The following HSPB8 variants were observed in gnomAD, a reference collection of about 807,000 sequenced individuals.
HSPB8 encodes heat shock protein family B (small) member 8.
A neutral mutation model predicts 16.5 loss-of-function variants in HSPB8; 9 were observed. The observed-to-expected ratio is 0.55, with a 90% CI of 0.33 to 0.95. The LOEUF (loss-of-function observed/expected upper bound fraction) is 0.95. HSPB8 is among the 40% of genes least tolerant of loss of function. The pLI is 0.03. For synonymous variants in HSPB8, 99 were observed against 94.8 expected, an observed-to-expected ratio of 1.04 and a Z score of -0.26; for missense variants, 238 against 251.2, an observed-to-expected ratio of 0.95 and a Z score of 0.35.
chr12:119,190,651 T>C (rs1254040152), intron 2 of HSPB8, among the ~76,000 whole-genome samples: 1 of 152,246 alleles, frequency 6.6e-6, no homozygotes, highest in Admixed American at 6.5e-5. Context: ...CTAAAGGTTT[T>C]TTTTTCTTTT....
Position 119,193,968 on chromosome 12 carries a change from G to T in HSPB8, c.*110G>T. On this transcript the variant is annotated 3_prime_UTR_variant, in exon 3 of 3. Coordinates refer to ENST00000281938, the MANE Select transcript of HSPB8 (RefSeq NM_014365.3). ...ATTTAGTGCAAGTAAAATGTTAGAGGGTGCGGGGGTGAGGACTGACCACAG... is the reference window on the plus strand; with the variant it reads ...ATTTAGTGCAAGTAAAATGTTAGAGTGTGCGGGGGTGAGGACTGACCACAG... 1.6e-6 allele frequency: 2 copies of T among 1,213,972 alleles called. No individual in the cohort carries two copies. The highest frequency in any genetic ancestry group is 2.4e-6 in the Non-Finnish European group (2 of 823,182). 75.2% of individuals were successfully genotyped at this position (1,213,972 alleles called of 1,614,324 possible).
In HSPB8 at chr12:119,193,728, T is replaced by C. The variant is rs1954726459; in HGVS notation, c.461T>C (p.Val154Ala). Residue 154 changes from valine to alanine, a missense_variant, in exon 3 of 3, where the codon GTA (valine) becomes GCA (alanine). Physicochemically the swap from Val to Ala is moderately conservative, Grantham distance 64. Transcript: ENST00000281938. ...QLPAEVDPVT[V>A]FASLSPEGLL... ...CCTGCAGAGGTGGATCCTGTGACAG[T>C]ATTTGCCTCACTTTCCCCAGAGGGT... The C allele has an allele frequency of 3.1e-6, 5 of 1,614,218 alleles. No homozygotes were observed. Among genetic ancestry groups the C allele is most frequent in the Non-Finnish European group, 4.2e-6 (5 of 1,180,036 alleles).
rs1040410566 is a variant in HSPB8, at chr12:119,190,481, T to A, written c.432-3218T>A. ...TGTGAAAAGCCCCATTTGGACTGAATAAGGAGGAGAGGGAGAGGTCTTGGG... is the reference window on the plus strand; with the variant it reads ...TGTGAAAAGCCCCATTTGGACTGAAAAAGGAGGAGAGGGAGAGGTCTTGGG... On this transcript the variant is annotated intron_variant, in intron 2 of 2. Coordinates refer to ENST00000281938, the MANE Select transcript of HSPB8 (RefSeq NM_014365.3). 1.8e-4 allele frequency among the ~76,000 whole-genome samples: 28 copies of A among 152,158 alleles called. 1 individual carries two copies. The highest frequency in any genetic ancestry group is 3.1e-4 in the Non-Finnish European group (21 of 68,026).
intron 1 of HSPB8, 140 bp from the exon 2 acceptor site, chr12:119,186,885 C>G: frequency 1.3e-6 from 1 of 789,512 alleles, no homozygotes; most frequent in Admixed American, 1.8e-5. Flanking sequence ...GTCCTTGAGG[C>G]TTAGATAACT....
In HSPB8 at chr12:119,179,085, C is replaced by A; in HGVS notation, c.-228C>A. 3.3e-6 allele frequency: 2 copies of A among 611,598 alleles called. No individual in the cohort carries two copies. Among genetic ancestry groups the A allele is most frequent in the Admixed American group, 5.0e-5 (2 of 40,004 alleles). 37.9% of individuals were successfully genotyped at this position (611,598 alleles called of 1,614,324 possible). Reference sequence around the variant, plus strand: ...GTGAGGCAGTGCGGACGGGGACCCTCTGGGATTCTGCTGGATCTGCCCCGG... The same window carrying A: ...GTGAGGCAGTGCGGACGGGGACCCTATGGGATTCTGCTGGATCTGCCCCGG... On this transcript the variant is annotated 5_prime_UTR_variant, in exon 1 of 3. The change creates a new upstream start codon in the 5' untranslated region. Coordinates refer to ENST00000281938, the MANE Select transcript of HSPB8 (RefSeq NM_014365.3).
intron 2 of HSPB8, 105 bp from the exon 3 acceptor site, chr12:119,193,594 C>A: frequency 8.1e-7 from 1 of 1,241,254 alleles, no homozygotes. Flanking sequence ...ATTGTATGTC[C>A]CCAAAGCCTA....
intron 2 of HSPB8, among the ~76,000 whole-genome samples, 198 bp from the exon 3 acceptor site, chr12:119,193,501 T>G (rs890945435): frequency 4.6e-5 from 7 of 152,192 alleles, no homozygotes; most frequent in African/African-American, 1.4e-4. Flanking sequence ...ATTTTGCAGA[T>G]GAGAAAACAA....
At chr12:119,186,833 A>G in intron 1 of HSPB8, 192 bp from the exon 2 acceptor site, 1 of 623,372 alleles carries the variant, frequency 1.6e-6, no homozygotes, top group Non-Finnish European at 2.9e-6. Context: ...CTTCATAGCC[A>G]GCCTTGGAAG....
At chr12:119,186,067 A>G (rs1565928852) in intron 1 of HSPB8, among the ~76,000 whole-genome samples, 1 of 152,118 alleles carries the variant, frequency 6.6e-6, no homozygotes, top group African/African-American at 2.4e-5. Flanking sequence ...AACTACAGAC[A>G]CTCTCTCTAT....
At chr12:119,192,906 T>C (rs1392658606) in intron 2 of HSPB8, among the ~76,000 whole-genome samples, 1 of 152,000 alleles carries the variant, frequency 6.6e-6, no homozygotes, top group Admixed American at 6.6e-5. Context: ...TATAAAACCG[T>C]CAGATCTCGT....
At chr12:119,184,753 G>C (rs971577841) in intron 1 of HSPB8, among the ~76,000 whole-genome samples, 3 of 134,332 alleles carry the variant, frequency 2.2e-5, no homozygotes, top group African/African-American at 7.9e-5. Flanking sequence ...AGGGCGGCCT[G>C]GTGTGAGGTT....
Position 119,194,003 on chromosome 12 carries a change from ATAGTG to A in HSPB8, c.*151_*155del, listed in dbSNP as rs1954729198. ...TGAGGACTGACCACAGATTCCCTGGATAGTGTAGTGGTAGATTTCTCCACAGGATA... is the reference window on the plus strand; with the variant it reads ...TGAGGACTGACCACAGATTCCCTGGATAGTGGTAGATTTCTCCACAGGATA... On this transcript the variant is annotated 3_prime_UTR_variant, in exon 3 of 3. Transcript: ENST00000281938. 5 of 877,354 alleles carry A rather than the reference ATAGTG, an allele frequency of 5.7e-6. No homozygotes were observed. The highest frequency in any genetic ancestry group is 9.4e-6 in the Non-Finnish European group (5 of 533,636). 54.3% of individuals were successfully genotyped at this position (877,354 alleles called of 1,614,324 possible). A position where few individuals can be genotyped will look rare whatever the true frequency, so the allele number is the denominator to read the frequency against.
At chr12:119,192,830 A>G (rs1954720315) in intron 2 of HSPB8, among the ~76,000 whole-genome samples, 1 of 152,148 alleles carries the variant, frequency 6.6e-6, no homozygotes, top group Non-Finnish European at 1.5e-5. Context: ...AATCATGGCA[A>G]AAGGTGAAAG....
intron 1 of HSPB8, among the ~76,000 whole-genome samples, chr12:119,185,519 A>T (rs948818268): frequency 2.0e-5 from 3 of 152,084 alleles, no homozygotes; most frequent in Non-Finnish European, 4.4e-5. Context: ...TTTTTAGTAG[A>T]GACGGAGTTT....
In HSPB8 at chr12:119,179,338, C is replaced by T. The variant is rs1400986742; in HGVS notation, c.26C>T (p.Ser9Phe). 1 of 1,614,078 alleles carries T rather than the reference C, an allele frequency of 6.2e-7. No homozygotes were observed. The highest frequency in any genetic ancestry group is 1.1e-5 in the South Asian group (1 of 91,082). The part of the protein sequence containing the change: MADGQMPF[S>F]CHYPSRLRRD... Reference sequence around the variant, plus strand: ...ATGGCTGACGGTCAGATGCCCTTCTCCTGCCACTACCCAAGCCGCCTGCGC... The same window carrying T: ...ATGGCTGACGGTCAGATGCCCTTCTTCTGCCACTACCCAAGCCGCCTGCGC... Residue 9 changes from serine (S) to phenylalanine (F), a missense_variant, in exon 1 of 3, where the codon TCC (serine) becomes TTC (phenylalanine). By Grantham distance (155) the Ser-to-Phe change is radical. Transcript: ENST00000281938.
At chr12:119,193,252 G>A (rs948552403) in intron 2 of HSPB8, among the ~76,000 whole-genome samples, 1 of 152,196 alleles carries the variant, frequency 6.6e-6, no homozygotes, top group Non-Finnish European at 1.5e-5. Context: ...ATGAAAATGT[G>A]TTGCCTGTTA....
chr12:119,179,248 T>C lies in HSPB8; in HGVS notation c.-65T>C, dbSNP rs185294734. ...CTAGCCCAGCCACACCACCTTGTTG[T>C]GTGACCTTGGGCAGGTGGTTCTGTC... On this transcript the variant is annotated 5_prime_UTR_variant, in exon 1 of 3. Coordinates refer to ENST00000281938, the MANE Select transcript of HSPB8 (RefSeq NM_014365.3). 5 of 1,535,516 alleles carry C rather than the reference T, an allele frequency of 3.3e-6. No individual in the cohort carries two copies. In the African/African-American group the frequency reaches 5.4e-5, roughly 17 times the overall value.
At position 119,179,631 on chromosome 12, in the gene HSPB8, C is replaced by A; in HGVS notation, c.319C>A (p.Pro107Thr). Residue 107 changes from proline (P) to threonine (T), a missense_variant, in exon 1 of 3, where the codon CCA (proline) becomes ACA (threonine). By Grantham distance (38) the Pro-to-Thr change is conservative. Coordinates refer to ENST00000281938, the MANE Select transcript of HSPB8 (RefSeq NM_014365.3). ...KVCVNVHSFK[P>T]EELMVKTKDG... ...GTGTGTGAATGTGCACAGCTTCAAG[C>A]CAGAGGAGTTGATGGTGAAGACCAA... is the stretch of plus-strand genomic sequence containing the variant. The A allele has an allele frequency of 6.3e-7, 1 of 1,596,646 alleles. No homozygotes were observed. The highest frequency in any genetic ancestry group is 1.1e-5 in the South Asian group (1 of 88,344).
rs60924821 is a variant in HSPB8 at position 119,194,705 on chromosome 12, TTAATAATAATAA to T, written c.*860_*871del. The T allele has an allele frequency of 3.6e-6, 1 of 280,702 alleles. No homozygotes were observed. Among genetic ancestry groups the T allele is most frequent in the Non-Finnish European group, 6.4e-6 (1 of 156,024 alleles). The allele number at this position is 280,702 out of a possible 1,614,324, so 17.4% of individuals were successfully genotyped here. The stretch of plus-strand genomic sequence containing the variant: ...TTTAGGGGTAAATAACAGTAAATAA[TTAATAATAATAA>T]TAATAATAATAAAGGAGCTGACGTT... On this transcript the variant is annotated 3_prime_UTR_variant, in exon 3 of 3. Coordinates refer to ENST00000281938, the MANE Select transcript of HSPB8 (RefSeq NM_014365.3).
Sources: allele counts gnomAD v4.1 joint callset (sites outside exome capture counted in the v4.1 genomes callset), GRCh38; gene constraint gnomAD v4.1.1; transcripts MANE v1.5; gene names NCBI Gene and HGNC (gene_info 2026-07-23, HGNC 2026-07-21).